Variants in SPATA31F3 observed in about 807,000 individuals in gnomAD.
SPATA31F3 encodes the protein SPATA31 subfamily F member 3.
At chr9:34,891,279 G>A in the SPATA31F3 span, among the ~76,000 whole-genome samples, 1 of 152,166 alleles carries the variant, frequency 6.6e-6, no homozygotes, top group Non-Finnish European at 1.5e-5. Context: ...GAGGACAGGG[G>A]CGCCAAGTTG....
the SPATA31F3 span, among the ~76,000 whole-genome samples, chr9:34,891,606 A>G: frequency 6.6e-6 from 1 of 152,244 alleles, no homozygotes; most frequent in Non-Finnish European, 1.5e-5. Context: ...CTTTTGGATC[A>G]GGTCCCAGCA....
At chr9:34,889,087 T>C in the SPATA31F3 span, 1 of 398,494 alleles carries the variant, frequency 2.5e-6, no homozygotes, top group East Asian at 3.6e-5. Context: ...GTACAAAGTA[T>C]ATTTGGAGAA....
chr9:34,889,644 A>T, the SPATA31F3 span: 10 of 398,426 alleles, frequency 2.5e-5, no homozygotes, highest in Non-Finnish European at 4.4e-6. Flanking sequence ...TTCTGGAAGG[A>T]TGATGCTCTT....
the SPATA31F3 span, among the ~76,000 whole-genome samples, chr9:34,890,988 G>T: frequency 3.8e-4 from 58 of 152,260 alleles, no homozygotes; most frequent in African/African-American, 1.4e-3. Flanking sequence ...GGCTCTGATG[G>T]GCTCAATCTG....
chr9:34,895,497 G>T, the SPATA31F3 span: 2 of 398,198 alleles, frequency 5.0e-6, no homozygotes, highest in Non-Finnish European at 8.9e-6. Context: ...AAAAGCAAGG[G>T]CTAAGAGTAA....
chr9:34,894,999 T>A, the SPATA31F3 span: 1 of 398,458 alleles, frequency 2.5e-6, no homozygotes, highest in Non-Finnish European at 4.4e-6. Flanking sequence ...GGAACCTCAC[T>A]CACAGCAGAA....
At chr9:34,892,129 G>A in the SPATA31F3 span, among the ~76,000 whole-genome samples, 4 of 152,160 alleles carry the variant, frequency 2.6e-5, no homozygotes, top group African/African-American at 9.7e-5. Context: ...TACAGATGTG[G>A]CACATTGAGG....
chr9:34,889,347 T>A, the SPATA31F3 span: 1 of 398,626 alleles, frequency 2.5e-6, no homozygotes, highest in African/African-American at 2.1e-5. Context: ...GAAGGGAGTG[T>A]TGCTAGAGCA....
At chr9:34,892,817 T>C in the SPATA31F3 span, 1 of 674,702 alleles carries the variant, frequency 1.5e-6, no homozygotes, top group Admixed American at 2.1e-5. Context: ...AGCCCAGGAA[T>C]CTTGGACGCT....
At chr9:34,895,157 A>G in the SPATA31F3 span, 4 of 398,356 alleles carry the variant, frequency 1.0e-5, no homozygotes, top group Non-Finnish European at 1.8e-5. Context: ...AACAAAACTC[A>G]TAAACATTTC....
At chr9:34,889,128 T>A in the SPATA31F3 span, 1 of 398,630 alleles carries the variant, frequency 2.5e-6, no homozygotes, top group Non-Finnish European at 4.4e-6. Flanking sequence ...TTAATGGAAA[T>A]GGCAATGAAA....
the SPATA31F3 span, chr9:34,889,565 A>G: frequency 1.0e-5 from 4 of 398,518 alleles, no homozygotes; most frequent in Non-Finnish European, 1.8e-5. Flanking sequence ...CATGCCTTCG[A>G]TCTTTCATTT....
chr9:34,894,837 G>A, the SPATA31F3 span, among the ~76,000 whole-genome samples: 4 of 152,056 alleles, frequency 2.6e-5, no homozygotes, highest in Non-Finnish European at 5.9e-5. Context: ...ATTCTCAGGA[G>A]GATAAGATAG....
chr9:34,892,891 T>A, the SPATA31F3 span: 1 of 699,078 alleles, frequency 1.4e-6, no homozygotes, highest in South Asian at 1.5e-5. Flanking sequence ...ATTGTGACAG[T>A]GTTGGAGTTA....
chr9:34,889,439 T>A, the SPATA31F3 span: 1 of 398,496 alleles, frequency 2.5e-6, no homozygotes, highest in African/African-American at 2.1e-5. Context: ...GGTCCTCTGT[T>A]GTCTTCTGTG....
At chr9:34,891,380 C>G in the SPATA31F3 span, among the ~76,000 whole-genome samples, 1 of 152,126 alleles carries the variant, frequency 6.6e-6, no homozygotes, top group South Asian at 2.1e-4. Flanking sequence ...GCAGATCTTC[C>G]CATATTTGTA....
At chr9:34,890,989 G>A in the SPATA31F3 span, among the ~76,000 whole-genome samples, 2 of 152,186 alleles carry the variant, frequency 1.3e-5, no homozygotes, top group Non-Finnish European at 2.9e-5. Flanking sequence ...GCTCTGATGG[G>A]CTCAATCTGT....
At chr9:34,889,697 C>T in the SPATA31F3 span, 1 of 398,008 alleles carries the variant, frequency 2.5e-6, no homozygotes, top group African/African-American at 2.1e-5. Context: ...ACTCTTAGCC[C>T]TAGAAAGTGT....
the SPATA31F3 span, chr9:34,894,500 A>G: frequency 2.5e-6 from 1 of 398,604 alleles, no homozygotes; most frequent in Non-Finnish European, 4.4e-6. Context: ...AAGTTCTCCT[A>G]GCTGAAGAAA....
Sources: allele counts gnomAD v4.1 joint callset (sites outside exome capture counted in the v4.1 genomes callset), GRCh38; gene constraint gnomAD v4.1.1; transcripts MANE v1.5; gene names NCBI Gene and HGNC (gene_info 2026-07-23, HGNC 2026-07-21).